NPAS3: variants seen among roughly 807,000 people sequenced by gnomAD.
NPAS3 encodes the protein neuronal PAS domain-containing protein 3.
Under a neutral mutation model 73.1 loss-of-function variants are expected in NPAS3, and 14 were observed. That is an observed-to-expected ratio of 0.19 (90% confidence interval 0.13 to 0.30). The LOEUF is 0.30. Among genes scored for constraint, NPAS3 ranks in the 10% least tolerant of loss-of-function variants. NPAS3 has a pLI of 1.00. For synonymous variants in NPAS3, 620 were observed against 541.5 expected (o/e 1.14, Z -2.01); for missense variants, 1,096 against 1,250.0 (o/e 0.88, Z 1.86).
chr14:33,524,111 A>G (rs767742520), intron 4 of NPAS3, among the ~76,000 whole-genome samples: 1 of 152,120 alleles, frequency 6.6e-6, no homozygotes. Context: ...CTTCTTATCC[A>G]TTAGGTCTCA....
At chr14:33,053,440 A>G (rs1243529912) in intron 1 of NPAS3, among the ~76,000 whole-genome samples, 2 of 152,212 alleles carry the variant, frequency 1.3e-5, no homozygotes, top group African/African-American at 4.8e-5. Flanking sequence ...GAGTCCATCT[A>G]GACAGAAGTG....
intron 1 of NPAS3, among the ~76,000 whole-genome samples, chr14:32,967,467 T>C (rs376984348): frequency 6.6e-6 from 1 of 152,070 alleles, no homozygotes; most frequent in African/African-American, 2.4e-5. Flanking sequence ...TTGTTCAAGG[T>C]TCAACTGTAT....
At chr14:33,198,180 CAA>C (rs975472393) in intron 2 of NPAS3, among the ~76,000 whole-genome samples, 3 of 152,144 alleles carry the variant, frequency 2.0e-5, no homozygotes, top group African/African-American at 4.8e-5. Flanking sequence ...AGTGCGGACC[CAA>C]AGAGTGAGCA....
intron 4 of NPAS3, among the ~76,000 whole-genome samples, chr14:33,401,027 G>A (rs1175374616): frequency 1.3e-5 from 2 of 152,042 alleles, no homozygotes; most frequent in African/African-American, 4.8e-5. Flanking sequence ...AGATATTGCA[G>A]AATGCAAAGT....
At chr14:33,131,694 T>C (rs1476510800) in intron 2 of NPAS3, among the ~76,000 whole-genome samples, 2 of 152,178 alleles carry the variant, frequency 1.3e-5, no homozygotes, top group Non-Finnish European at 2.9e-5. Context: ...TGCGTGTGCA[T>C]GCCCACACAG....
chr14:33,736,178 A>G (rs1407597627), intron 7 of NPAS3, among the ~76,000 whole-genome samples: 1 of 152,200 alleles, frequency 6.6e-6, no homozygotes, highest in Non-Finnish European at 1.5e-5. Context: ...AGAATTTAGA[A>G]CTTCTGATAG....
chr14:33,527,319 A>G (rs2053846413), intron 4 of NPAS3, among the ~76,000 whole-genome samples: 1 of 152,204 alleles, frequency 6.6e-6, no homozygotes, highest in Admixed American at 6.5e-5. Flanking sequence ...GATGTCGTTT[A>G]CAGCAAGAGC....
At chr14:33,430,482 A>C (rs964234662) in intron 4 of NPAS3, among the ~76,000 whole-genome samples, 4 of 152,102 alleles carry the variant, frequency 2.6e-5, no homozygotes, top group African/African-American at 9.7e-5. Context: ...AGCAGAGTAC[A>C]TGTTATGGCT....
chr14:33,038,558 G>A (rs545894383), intron 1 of NPAS3, among the ~76,000 whole-genome samples: 28 of 151,738 alleles, frequency 1.8e-4, no homozygotes, highest in Admixed American at 4.6e-4. Context: ...TATATAAAAT[G>A]ATATAATGTG....
At chr14:32,967,832 G>T (rs1446458094) in intron 1 of NPAS3, among the ~76,000 whole-genome samples, 1 of 151,868 alleles carries the variant, frequency 6.6e-6, no homozygotes, top group Non-Finnish European at 1.5e-5. Context: ...TTCTAGTTCT[G>T]GATATATATC....
chr14:32,949,543 C>T (rs2036400432), intron 1 of NPAS3, among the ~76,000 whole-genome samples: 1 of 151,870 alleles, frequency 6.6e-6, no homozygotes, highest in Admixed American at 6.6e-5. Flanking sequence ...AAGCCGTCTT[C>T]AGAGATAACC....
chr14:32,974,036 A>G (rs1350999054), intron 1 of NPAS3, among the ~76,000 whole-genome samples: 1 of 152,236 alleles, frequency 6.6e-6, no homozygotes, highest in Non-Finnish European at 1.5e-5. Flanking sequence ...GATATATAGG[A>G]TATTGCCTTG....
chr14:33,701,382 T>C (rs368027684), intron 6 of NPAS3, among the ~76,000 whole-genome samples: 6 of 152,332 alleles, frequency 3.9e-5, no homozygotes, highest in African/African-American at 7.2e-5. Flanking sequence ...AACCTGCAGG[T>C]CTGTTTGGCC....
chr14:33,439,028 T>C (rs1466641785), intron 4 of NPAS3, among the ~76,000 whole-genome samples: 1 of 152,158 alleles, frequency 6.6e-6, no homozygotes, highest in Admixed American at 6.5e-5. Context: ...TCCACAATTG[T>C]TCAATTTCCA....
chr14:33,051,575 A>G (rs2040713243), intron 1 of NPAS3, among the ~76,000 whole-genome samples: 1 of 152,194 alleles, frequency 6.6e-6, no homozygotes, highest in South Asian at 2.1e-4. Context: ...CAAATTCCAT[A>G]AACACAGGAA....
rs1040727370 is a variant in NPAS3, at chr14:33,136,256, T to C, written c.141-78926T>C. Among the ~76,000 whole-genome samples the C allele has an allele frequency of 7.2e-5, 11 of 152,034 alleles. 1 individual carries two copies. The South Asian group carries it at 2.1e-3, about 29-fold the overall frequency. On this transcript the variant is annotated intron_variant, in intron 2 of 11. Transcript: ENST00000356141. ...TTATATTTTTAGTAGAGACAGGGTT[T>C]CACCATGTTGGCCAGGCTGGTCTCA...
intron 4 of NPAS3, among the ~76,000 whole-genome samples, chr14:33,503,480 C>T (rs1004375821): frequency 6.6e-6 from 1 of 151,852 alleles, no homozygotes. Flanking sequence ...ATTGGTGAAA[C>T]CGAGTGATAC....
intron 5 of NPAS3, among the ~76,000 whole-genome samples, chr14:33,589,788 G>A (rs2056997231): frequency 6.6e-6 from 1 of 152,220 alleles, no homozygotes; most frequent in Non-Finnish European, 1.5e-5. Context: ...GTTCCCAAAA[G>A]TGGGAAATAC....
intron 2 of NPAS3, among the ~76,000 whole-genome samples, chr14:33,118,037 C>G (rs76046457): frequency 0.025 from 3,829 of 152,142 alleles, 161 homozygotes; most frequent in African/African-American, 0.085. Flanking sequence ...ATAAGTTAAA[C>G]TAAATCTCAA....
Sources: gnomAD v4.1 joint callset for allele counts (sites outside exome capture counted in the v4.1 genomes callset) on GRCh38, gnomAD v4.1.1 for gene constraint, MANE v1.5 for transcripts, NCBI Gene and HGNC (gene_info 2026-07-23, HGNC 2026-07-21) for gene names.